Variants in FBXL7 observed in about 807,000 individuals in gnomAD.
The protein encoded by FBXL7 is F-box/LRR-repeat protein 7.
A neutral mutation model predicts 38.3 loss-of-function variants in FBXL7; 12 were observed. The ratio of observed to expected loss-of-function variants is 0.31; its 90% CI spans 0.20 to 0.51. FBXL7 has a LOEUF of 0.51. Among genes scored for constraint, FBXL7 ranks in the 20% least tolerant of loss-of-function variants. FBXL7 has a pLI of 0.98. For synonymous variants in FBXL7, 297 were observed against 300.9 expected (o/e 0.99, Z 0.13); for missense variants, 567 against 676.4 (o/e 0.84, Z 1.79).
chr5:15,780,790 G>A (rs1736970924), intron 2 of FBXL7, among the ~76,000 whole-genome samples: 2 of 152,170 alleles, frequency 1.3e-5, no homozygotes, highest in East Asian at 3.8e-4. Context: ...TGTGTGACCT[G>A]AGAGTTAGCA....
chr5:15,923,584 T>C (rs1346460470), intron 2 of FBXL7, among the ~76,000 whole-genome samples: 1 of 152,212 alleles, frequency 6.6e-6, no homozygotes, highest in Non-Finnish European at 1.5e-5. Flanking sequence ...AGAAAAGATA[T>C]TTTGTGACAA....
chr5:15,691,204 C>T (rs779400008), intron 2 of FBXL7, among the ~76,000 whole-genome samples: 2 of 152,218 alleles, frequency 1.3e-5, no homozygotes, highest in Non-Finnish European at 2.9e-5. Context: ...GCTTGATGGG[C>T]AGGTTTCCCC....
chr5:15,558,682 G>C (rs1409584589), intron 1 of FBXL7, among the ~76,000 whole-genome samples: 2 of 152,236 alleles, frequency 1.3e-5, no homozygotes, highest in African/African-American at 4.8e-5. Flanking sequence ...CACATATGAA[G>C]CCTTTTGGGT....
At position 15,931,767 on chromosome 5, in the gene FBXL7, G is replaced by A. The variant is rs541318245; in HGVS notation, c.739+3266G>A. Among the ~76,000 whole-genome samples the A allele has an allele frequency of 5.9e-5, 9 of 152,192 alleles. No homozygotes were observed. The South Asian group carries it at 1.2e-3, about 21-fold the overall frequency. Reference sequence around the variant, plus strand: ...CAAAACACATCCTATCTGTGCATACGATGATGTGTGCATGCCTCTCTGGCT... The same window carrying A: ...CAAAACACATCCTATCTGTGCATACAATGATGTGTGCATGCCTCTCTGGCT... On this transcript the variant is annotated intron_variant, in intron 3 of 3. Transcript: ENST00000504595.
intron 2 of FBXL7, among the ~76,000 whole-genome samples, chr5:15,627,499 A>G (rs185063285): frequency 1.3e-4 from 20 of 152,328 alleles, no homozygotes; most frequent in Admixed American, 9.1e-4. Flanking sequence ...AACACTGAAT[A>G]GGCTCACAAA....
chr5:15,511,640 A>T (rs906855553), intron 1 of FBXL7, among the ~76,000 whole-genome samples: 1 of 152,188 alleles, frequency 6.6e-6, no homozygotes, highest in East Asian at 1.9e-4. Flanking sequence ...TTTTTGTGAA[A>T]TTGCTTTGTA....
intron 2 of FBXL7, among the ~76,000 whole-genome samples, chr5:15,810,991 T>A (rs934580145): frequency 6.6e-6 from 1 of 152,178 alleles, no homozygotes; most frequent in Non-Finnish European, 1.5e-5. Context: ...CACAAATTGA[T>A]GCTTGAGTAA....
intron 1 of FBXL7, among the ~76,000 whole-genome samples, chr5:15,544,127 A>G (rs1364140576): frequency 6.6e-6 from 1 of 152,182 alleles, no homozygotes; most frequent in Non-Finnish European, 1.5e-5. Context: ...CACATTGCCG[A>G]TGGGGTAGCC....
At chr5:15,931,706 T>C (rs80349478) in intron 3 of FBXL7, among the ~76,000 whole-genome samples, 1,630 of 152,338 alleles carry the variant, frequency 0.011, 34 homozygotes, top group East Asian at 0.095. Flanking sequence ...ATACACGCAA[T>C]GCTCCCTTCT....
chr5:15,791,082 G>A (rs952350581), intron 2 of FBXL7, among the ~76,000 whole-genome samples: 1 of 141,326 alleles, frequency 7.1e-6, no homozygotes, highest in Admixed American at 7.1e-5. Flanking sequence ...GGGGGGGGGG[G>A]GTTATTGCAT....
chr5:15,588,544 G>A (rs933604338), intron 1 of FBXL7, among the ~76,000 whole-genome samples: 1 of 151,910 alleles, frequency 6.6e-6, no homozygotes, highest in Non-Finnish European at 1.5e-5. Flanking sequence ...CCACCACCAC[G>A]TCTGGCTAAT....
intron 2 of FBXL7, among the ~76,000 whole-genome samples, chr5:15,667,525 A>G (rs1318094285): frequency 6.6e-6 from 1 of 152,174 alleles, no homozygotes; most frequent in East Asian, 1.9e-4. Context: ...TGCACTGTGG[A>G]GTGTAAATTT....
intron 2 of FBXL7, among the ~76,000 whole-genome samples, chr5:15,667,068 G>T (rs571479162): frequency 6.6e-6 from 1 of 152,180 alleles, no homozygotes; most frequent in Non-Finnish European, 1.5e-5. Flanking sequence ...AAATAAAAGA[G>T]AAACTTTATG....
chr5:15,789,315 G>A (rs559239189), intron 2 of FBXL7, among the ~76,000 whole-genome samples: 2 of 152,230 alleles, frequency 1.3e-5, no homozygotes, highest in Admixed American at 6.5e-5. Context: ...GTGAAGATAT[G>A]CTCACTGCAG....
intron 2 of FBXL7, among the ~76,000 whole-genome samples, chr5:15,619,184 G>A (rs999373290): frequency 6.6e-6 from 1 of 152,108 alleles, no homozygotes; most frequent in Non-Finnish European, 1.5e-5. Context: ...TTTTTCCCCG[G>A]TGGCATGGAA....
intron 1 of FBXL7, among the ~76,000 whole-genome samples, chr5:15,557,645 C>A (rs1271110582): frequency 6.6e-6 from 1 of 152,290 alleles, no homozygotes; most frequent in East Asian, 1.9e-4. Context: ...GGTAAGGAGG[C>A]CTGAAGACTG....
At chr5:15,585,811 G>A (rs969163963) in intron 1 of FBXL7, among the ~76,000 whole-genome samples, 2 of 152,192 alleles carry the variant, frequency 1.3e-5, no homozygotes, top group African/African-American at 4.8e-5. Flanking sequence ...CATTACACAT[G>A]AGCATGTATC....
At chr5:15,875,232 C>G (rs187933927) in intron 2 of FBXL7, among the ~76,000 whole-genome samples, 2 of 152,214 alleles carry the variant, frequency 1.3e-5, no homozygotes, top group East Asian at 1.9e-4. Context: ...GACACTGGAC[C>G]CCTTCCTTAC....
chr5:15,581,712 C>T (rs1223977682), intron 1 of FBXL7, among the ~76,000 whole-genome samples: 1 of 152,030 alleles, frequency 6.6e-6, no homozygotes, highest in Non-Finnish European at 1.5e-5. Context: ...GTCTTTTGGT[C>T]TGTCTCCTTC....
Sources: allele counts gnomAD v4.1 joint callset (sites outside exome capture counted in the v4.1 genomes callset), GRCh38; gene constraint gnomAD v4.1.1; transcripts MANE v1.5; gene names NCBI Gene and HGNC (gene_info 2026-07-23, HGNC 2026-07-21).